Variants in DHX8 observed in about 807,000 individuals in gnomAD.
The protein encoded by DHX8 is DEAH-box helicase 8, also known as ATP-dependent RNA helicase DHX8.
In DHX8, 67 loss-of-function variants were observed where a neutral mutation model predicts 140.7. The observed-to-expected ratio is 0.48, with a 90% confidence interval of 0.39 to 0.58. DHX8 has a LOEUF of 0.58. Among genes scored for constraint, DHX8 ranks in the 20% least tolerant of loss-of-function variants. DHX8 has a pLI of 0.00. For synonymous variants in DHX8, 533 were observed against 553.2 expected (o/e 0.96, Z 0.51); for missense variants, 887 against 1,550.7 (o/e 0.57, Z 7.19).
chr17:43,503,203 A>C (rs535078979), intron 11 of DHX8, among the ~76,000 whole-genome samples: 1 of 152,248 alleles, frequency 6.6e-6, no homozygotes, highest in East Asian at 1.9e-4. Context: ...TCTCTAAAAA[A>C]ATACAAAAAT....
At position 43,484,193 on chromosome 17, in the gene DHX8, C is replaced by T. The variant is rs962864788; in HGVS notation, c.148+8C>T. The stretch of plus-strand genomic sequence containing the variant: ...TCAACGACAAGGACCTTGGTGAGCT[C>T]GGGGAGGTCCCTGGGACCTCAGTTT... On this transcript the variant is annotated splice_region_variant and intron_variant, in intron 1 of 22. Coordinates refer to ENST00000262415, the MANE Select transcript of DHX8 (RefSeq NM_004941.3). The T allele has an allele frequency of 6.2e-7, 1 of 1,612,142 alleles. No homozygotes were observed. Among genetic ancestry groups the T allele is most frequent in the Admixed American group, 1.7e-5 (1 of 59,820 alleles).
chr17:43,527,136 C>T (rs1970641778), downstream of DHX8, among the ~76,000 whole-genome samples: 2 of 152,182 alleles, frequency 1.3e-5, no homozygotes, highest in African/African-American at 2.4e-5. Flanking sequence ...TAGGTGTCAC[C>T]ATGTTGTCCA....
chr17:43,531,271 G>T (rs1414363060), downstream of DHX8, among the ~76,000 whole-genome samples: 1 of 152,226 alleles, frequency 6.6e-6, no homozygotes, highest in African/African-American at 2.4e-5. Flanking sequence ...AAGCCAGGAG[G>T]AAAGAAGAAA....
At position 43,522,432 on chromosome 17, in the gene DHX8, GAAA is replaced by G. The variant is rs372876175; in HGVS notation, c.3443+214_3443+216del. 5.2e-3 allele frequency among the ~76,000 whole-genome samples: 777 copies of G among 149,624 alleles called. 4 individuals carry two copies. The highest frequency in any genetic ancestry group is 0.018 in the African/African-American group (754 of 40,842). The stretch of plus-strand genomic sequence containing the variant: ...AAAATCATAGGGGTGAGACCTAGTT[GAAA>G]AAAAAAATTGTGGTTTAAAAAACTA... On this transcript the variant is annotated intron_variant, in intron 22 of 22. Coordinates refer to ENST00000262415, the MANE Select transcript of DHX8 (RefSeq NM_004941.3).
chr17:43,512,858 A>G (rs1349097546), intron 16 of DHX8, among the ~76,000 whole-genome samples: 1 of 152,148 alleles, frequency 6.6e-6, no homozygotes, highest in Non-Finnish European at 1.5e-5. Context: ...GTGTCATCTC[A>G]TGGTTCATTT....
At chr17:43,505,813 G>A (rs1004273366) in intron 12 of DHX8, among the ~76,000 whole-genome samples, 1 of 151,724 alleles carries the variant, frequency 6.6e-6, no homozygotes, top group Admixed American at 6.6e-5. Flanking sequence ...TCTTCCTTGA[G>A]GTAATCAGGT....
intron 16 of DHX8, among the ~76,000 whole-genome samples, chr17:43,508,861 C>T (rs373026701): frequency 2.1e-4 from 32 of 152,148 alleles, no homozygotes; most frequent in Middle Eastern, 3.4e-3. Context: ...CCTCGTGATC[C>T]GCCCGCCTCA....
chr17:43,486,386 G>C (rs1212786470), intron 1 of DHX8, among the ~76,000 whole-genome samples: 1 of 152,100 alleles, frequency 6.6e-6, no homozygotes, highest in African/African-American at 2.4e-5. Flanking sequence ...ATTTTTGGGA[G>C]AGTTGAGATA....
At chr17:43,510,702 C>G (rs983020984) in intron 16 of DHX8, among the ~76,000 whole-genome samples, 1 of 152,142 alleles carries the variant, frequency 6.6e-6, no homozygotes, top group African/African-American at 2.4e-5. Context: ...CAGAATTGTG[C>G]AGCCATCACC....
At chr17:43,530,602 A>G (rs1212016489), downstream of DHX8, among the ~76,000 whole-genome samples, 2 of 133,074 alleles carry the variant, frequency 1.5e-5, no homozygotes, top group African/African-American at 2.9e-5. Context: ...AGCCCTGTGC[A>G]CGCGCGCGTG....
chr17:43,520,250 ACTCG>A lies in DHX8; in HGVS notation c.2923_2926del (p.Arg975TrpfsTer31). The stretch of plus-strand genomic sequence containing the variant: ...GGCCCTGGATGACGAGGGCCTGCTC[ACTCG>A]CTTGGGCCGCCGGGTAAGGGACAGA... On this transcript the variant is annotated frameshift_variant, in exon 19 of 23. Transcript: ENST00000262415. LOFTEE classifies it high-confidence loss of function. 1 of 1,613,944 alleles carries A rather than the reference ACTCG, an allele frequency of 6.2e-7. No individual in the cohort carries two copies. The highest frequency in any genetic ancestry group is 1.3e-5 in the African/African-American group (1 of 75,002).
At chr17:43,504,594 A>C in intron 11 of DHX8, 50 bp from the exon 12 acceptor site, 1 of 1,532,614 alleles carries the variant, frequency 6.5e-7, no homozygotes, top group Non-Finnish European at 8.8e-7. Flanking sequence ...TTCCTGGTAC[A>C]TCTTGAGGTA....
intron 11 of DHX8, among the ~76,000 whole-genome samples, chr17:43,501,833 A>T (rs1969216472): frequency 6.6e-6 from 1 of 152,170 alleles, no homozygotes; most frequent in Non-Finnish European, 1.5e-5. Context: ...CCAGAGTTGC[A>T]TTTCCAAAGG....
intron 21 of DHX8, 32 bp from the exon 22 acceptor site, chr17:43,522,015 G>A (rs2271958): frequency 0.25 from 399,194 of 1,606,862 alleles, 50,702 homozygotes; most frequent in East Asian, 0.36. Flanking sequence ...TGAAAGCTGA[G>A]TGGGCTCATA....
chr17:43,490,560 A>T, intron 3 of DHX8, 97 bp downstream of exon 3: 3 of 1,008,610 alleles, frequency 3.0e-6, no homozygotes, highest in Non-Finnish European at 2.9e-6. Flanking sequence ...GTTGCTGAGC[A>T]AGTAAATGTT....
In DHX8 at chr17:43,532,951, T is replaced by TGGATG. The variant is rs753305483; in HGVS notation, c.351-3459_351-3455dup. ...GCTGGAAGACGGAGCTGGATGTGGT[T>TGGATG]GGATGGAGAAGGAAGAGAAGAGAAC... On this transcript the variant is annotated intron_variant, in intron 2 of 3. Coordinates refer to the DHX8 transcript ENST00000589898. 5.8e-6 allele frequency: 9 copies of TGGATG among 1,553,102 alleles called. No homozygotes were observed. In the East Asian group the frequency reaches 1.8e-4, roughly 31 times the overall value.
chr17:43,519,225 A>ACATTTC (rs1428460211), intron 18 of DHX8: 2 of 152,226 alleles, frequency 1.3e-5, no homozygotes, highest in African/African-American at 4.8e-5. Flanking sequence ...CCAGCAATGC[A>ACATTTC]TGAGGTTTCT....
chr17:43,492,004 C>T (rs957716473), intron 4 of DHX8, among the ~76,000 whole-genome samples, 179 bp from the exon 5 acceptor site: 3 of 152,180 alleles, frequency 2.0e-5, no homozygotes, highest in Non-Finnish European at 2.9e-5. Flanking sequence ...TCAAATGTAG[C>T]AGTAATTCTC....
At chr17:43,508,238 A>T in intron 15 of DHX8, 101 bp from the exon 16 acceptor site, 1 of 1,452,528 alleles carries the variant, frequency 6.9e-7, no homozygotes. Flanking sequence ...ATATGAATGC[A>T]TATGTTCTGT....
Sources: gnomAD v4.1 joint callset for allele counts (sites outside exome capture counted in the v4.1 genomes callset) on GRCh38, gnomAD v4.1.1 for gene constraint, MANE v1.5 for transcripts, NCBI Gene and HGNC (gene_info 2026-07-23, HGNC 2026-07-21) for gene names.